Variants in ABCC9 observed in about 807,000 individuals in gnomAD.
ABCC9 encodes the protein ATP binding cassette subfamily C member 9.
In ABCC9, 95 loss-of-function variants were observed where a neutral mutation model predicts 188.3. That is an observed-to-expected ratio of 0.50 (90% CI 0.43 to 0.60). ABCC9 has a LOEUF of 0.60. ABCC9 is among the 20% of genes least tolerant of loss of function. The pLI, the probability that ABCC9 is intolerant of heterozygous loss-of-function variation, is 0.00. For missense variants in ABCC9, 1,102 were observed against 1,876.3 expected (o/e 0.59, Z 7.62); for synonymous variants, 659 against 652.7 (o/e 1.01, Z -0.15).
In ABCC9 at chr12:21,940,707, T is replaced by C. The variant is rs1949653988; in HGVS notation, c.-21+3A>G. On this transcript the variant is annotated splice_donor_region_variant and intron_variant, in intron 2 of 39. Transcript: ENST00000261200. ...CTGAACAAATAAAGCAAAAAATAAATACCTTGGGCAATAGCTTCACGCTGC... is the reference window on the plus strand; with the variant it reads ...CTGAACAAATAAAGCAAAAAATAAACACCTTGGGCAATAGCTTCACGCTGC... 6.6e-6 allele frequency: 1 copy of C among 152,074 alleles called. No homozygotes were observed. The highest frequency in any genetic ancestry group is 1.5e-5 in the Non-Finnish European group (1 of 68,026). 9.4% of individuals were successfully genotyped at this position (152,074 alleles called of 1,614,324 possible). A position where few individuals can be genotyped will look rare whatever the true frequency, so the allele number is the denominator to read the frequency against.
At position 21,859,677 on chromosome 12, in the gene ABCC9, G is replaced by A. The variant is rs1389925977; in HGVS notation, c.2425-11C>T. The A allele has an allele frequency of 6.2e-6, 10 of 1,612,524 alleles. No homozygotes were observed. Among genetic ancestry groups the A allele is most frequent in the Non-Finnish European group, 8.5e-6 (10 of 1,178,702 alleles). On this transcript the variant is annotated splice_polypyrimidine_tract_variant and intron_variant, in intron 21 of 39. Transcript: ENST00000261200. ...ACTCAGGTTGATGCCCTAGAGAAGA[G>A]ACACCCCCAAATACCCATTTTTTAA...
chr12:21,807,557 CATT>C, intron 37 of ABCC9, 78 bp from the exon 38 acceptor site: 1 of 1,589,970 alleles, frequency 6.3e-7, no homozygotes, highest in African/African-American at 1.3e-5. Flanking sequence ...ATGAAAAACA[CATT>C]ATGTTGTATG....
chr12:21,912,849 A>G (rs1383932533), intron 8 of ABCC9, 23 bp downstream of exon 8: 1 of 1,609,552 alleles, frequency 6.2e-7, no homozygotes, highest in South Asian at 1.1e-5. Flanking sequence ...ATATGTTTCC[A>G]TTGAAAATCA....
chr12:21,816,370 A>G (rs571696378), intron 33 of ABCC9, among the ~76,000 whole-genome samples: 1 of 152,260 alleles, frequency 6.6e-6, no homozygotes, highest in East Asian at 1.9e-4. Flanking sequence ...GGAATTGTCC[A>G]GTAGGTCAGC....
intron 16 of ABCC9, among the ~76,000 whole-genome samples, chr12:21,878,669 A>G (rs2137625205): frequency 6.6e-6 from 1 of 152,346 alleles, no homozygotes; most frequent in East Asian, 1.9e-4. Context: ...GAAAACAGGT[A>G]GAAAATACCA....
intron 30 of ABCC9, among the ~76,000 whole-genome samples, chr12:21,829,454 G>A (rs540576581): frequency 2.8e-4 from 42 of 152,156 alleles, no homozygotes; most frequent in Admixed American, 2.0e-3. Context: ...GCCCACCTTG[G>A]CCTCCCAAAG....
chr12:21,880,311 G>A (rs550295789), intron 16 of ABCC9, among the ~76,000 whole-genome samples: 2 of 152,014 alleles, frequency 1.3e-5, no homozygotes, highest in Non-Finnish European at 2.9e-5. Context: ...AATATGGAAC[G>A]TCTTCATGGC....
Position 21,799,093 on chromosome 12 carries a change from G to A in ABCC9, c.*1951C>T, listed in dbSNP as rs1336177873. On this transcript the variant is annotated 3_prime_UTR_variant, in exon 40 of 40. Transcript: ENST00000261200. ...AGGGGAATATCACACTCTGGGGACT[G>A]TGGTGGGGTGGGGGGAGTGGGGAGG... 3.4e-5 allele frequency: 5 copies of A among 145,704 alleles called. No homozygotes were observed. Among genetic ancestry groups the A allele is most frequent in the Non-Finnish European group, 7.5e-5 (5 of 66,362 alleles). The allele number at this position is 145,704 out of a possible 1,614,324, so 9.0% of individuals were successfully genotyped here. A position where few individuals can be genotyped will look rare whatever the true frequency, so the allele number is the denominator to read the frequency against.
chr12:21,853,710 G>C lies in ABCC9; in HGVS notation c.2506-1205C>G, dbSNP rs1478765588. The stretch of plus-strand genomic sequence containing the variant: ...TTGGATCTTAAAAATAGGAGAGCTA[G>C]AAACAACTGAAGAAAACTGGAATGT... On this transcript the variant is annotated intron_variant, in intron 22 of 39. Coordinates refer to ENST00000261200, the MANE Select transcript of ABCC9 (RefSeq NM_020297.4). 2.0e-5 allele frequency among the ~76,000 whole-genome samples: 3 copies of C among 152,096 alleles called. No homozygotes were observed. In the East Asian group the frequency reaches 5.8e-4, roughly 29 times the overall value.
chr12:21,837,733 G>A (rs1333396675), intron 30 of ABCC9, among the ~76,000 whole-genome samples: 1 of 151,694 alleles, frequency 6.6e-6, no homozygotes, highest in Non-Finnish European at 1.5e-5. Flanking sequence ...TTAATACTTC[G>A]CAGGGATAAT....
At chr12:21,915,097 C>T (rs1212086998) in intron 7 of ABCC9, among the ~76,000 whole-genome samples, 4 of 151,516 alleles carry the variant, frequency 2.6e-5, no homozygotes, top group African/African-American at 9.7e-5. Context: ...GATGGGGTTT[C>T]TCCATGTTGG....
intron 12 of ABCC9, among the ~76,000 whole-genome samples, chr12:21,899,417 A>G (rs984892547): frequency 3.3e-5 from 5 of 152,160 alleles, no homozygotes; most frequent in Admixed American, 6.5e-5. Flanking sequence ...TGCATTTCCA[A>G]CTGAGGTACC....
At chr12:21,847,617 A>G (rs749032496) in intron 25 of ABCC9, among the ~76,000 whole-genome samples, 4 of 152,138 alleles carry the variant, frequency 2.6e-5, no homozygotes, top group Non-Finnish European at 5.9e-5. Context: ...CTCATTCCTC[A>G]CATTTCCAGT....
In ABCC9 at chr12:21,800,465, G is replaced by T. The variant is rs1266594083; in HGVS notation, c.*579C>A. 6.5e-6 allele frequency: 1 copy of T among 153,110 alleles called. No individual in the cohort carries two copies. Among genetic ancestry groups the T allele is most frequent in the African/African-American group, 2.4e-5 (1 of 41,532 alleles). 9.5% of individuals were successfully genotyped at this position (153,110 alleles called of 1,614,324 possible). On this transcript the variant is annotated 3_prime_UTR_variant, in exon 40 of 40. Transcript: ENST00000261200. ...TTCTAGATAAGGCTTTGGCCTTATA[G>T]AATAAGTATAAGTGTGATAACTTCT...
In ABCC9 at chr12:21,863,117, A is replaced by G. The variant is rs1046178553; in HGVS notation, c.2238-63T>C. 19 of 1,055,658 alleles carry G rather than the reference A, an allele frequency of 1.8e-5. 1 individual carries two copies. In the South Asian group the frequency reaches 2.3e-4, roughly 13 times the overall value. 65.4% of individuals were successfully genotyped at this position (1,055,658 alleles called of 1,614,324 possible). A position where few individuals can be genotyped will look rare whatever the true frequency, so the allele number is the denominator to read the frequency against. ...ATGCAAAGGTACTGTGCGTGTATGT[A>G]TTTTACTATAAATAGGGGAAATAAA... On this transcript the variant is annotated intron_variant, in intron 19 of 39. Transcript: ENST00000261200.
At chr12:21,913,221 C>T (rs974697297) in intron 7 of ABCC9, among the ~76,000 whole-genome samples, 155 bp from the exon 8 acceptor site, 1 of 152,102 alleles carries the variant, frequency 6.6e-6, no homozygotes, top group South Asian at 2.1e-4. Context: ...GCATAGCATG[C>T]ATAATTCTGT....
At chr12:21,926,393 A>G (rs1236512448) in intron 4 of ABCC9, among the ~76,000 whole-genome samples, 2 of 152,160 alleles carry the variant, frequency 1.3e-5, no homozygotes, top group African/African-American at 4.8e-5. Context: ...AGTTAACTCA[A>G]TCTGAACTCC....
chr12:21,915,529 T>TTTTTTTTTTTTC (rs1948565489), intron 7 of ABCC9, 139 bp downstream of exon 7: 1 of 173,086 alleles, frequency 5.8e-6, no homozygotes, highest in Non-Finnish European at 1.1e-5. Context: ...TTTTTTTTTT[T>TTTTTTTTTTTTC]TGAGACAGAG....
At chr12:21,890,957 A>T (rs887927697) in intron 14 of ABCC9, among the ~76,000 whole-genome samples, 1 of 151,902 alleles carries the variant, frequency 6.6e-6, no homozygotes, top group African/African-American at 2.4e-5. Flanking sequence ...GTACCCTAAA[A>T]CTTACAGTAT....
Sources: gnomAD v4.1 joint callset for allele counts (sites outside exome capture counted in the v4.1 genomes callset) on GRCh38, gnomAD v4.1.1 for gene constraint, MANE v1.5 for transcripts, NCBI Gene and HGNC (gene_info 2026-07-23, HGNC 2026-07-21) for gene names.